N4BP2L2: variants seen among roughly 807,000 people sequenced by gnomAD.
The protein encoded by N4BP2L2 is NEDD4 binding protein 2 like 2.
In N4BP2L2, 50 loss-of-function variants were observed where a neutral mutation model predicts 56.2. The observed-to-expected ratio is 0.89, with a 90% CI of 0.71 to 1.13. The LOEUF is 1.13. Ranked by LOEUF, N4BP2L2 falls within the 50% of genes most tolerant of loss-of-function variation. The probability of loss-of-function intolerance (pLI) is 0.00; values close to 1 mark genes in which losing one functional copy is unlikely to be tolerated. For synonymous variants in N4BP2L2, 203 were observed against 223.6 expected (o/e 0.91, Z 0.82); for missense variants, 689 against 693.8 (o/e 0.99, Z 0.08).
chr13:32,487,664 T>A (rs1443765437), intron 6 of N4BP2L2, among the ~76,000 whole-genome samples: 1 of 151,856 alleles, frequency 6.6e-6, no homozygotes, highest in Non-Finnish European at 1.5e-5. Flanking sequence ...AGAACGCGAC[T>A]CCATCTCAAA....
At chr13:32,450,766 G>T (rs1006711665) in intron 6 of N4BP2L2, among the ~76,000 whole-genome samples, 1 of 152,012 alleles carries the variant, frequency 6.6e-6, no homozygotes, top group Non-Finnish European at 1.5e-5. Context: ...GAGTAGCTGG[G>T]ACTACAGCAG....
intron 6 of N4BP2L2, among the ~76,000 whole-genome samples, chr13:32,447,815 C>A (rs1475915911): frequency 6.6e-6 from 1 of 150,852 alleles, no homozygotes; most frequent in Non-Finnish European, 1.5e-5. Flanking sequence ...GTTTTTTTTT[C>A]TCCTAAGTCT....
exon 2 of N4BP2L2, chr13:32,535,798 C>G: frequency 6.2e-7 from 1 of 1,613,970 alleles, no homozygotes; most frequent in South Asian, 1.1e-5. Context: ...CAGAACCAGG[C>G]AGACCTCTTA....
intron 2 of N4BP2L2, among the ~76,000 whole-genome samples, chr13:32,530,944 T>C (rs2054597114): frequency 6.6e-6 from 1 of 151,614 alleles, no homozygotes; most frequent in South Asian, 2.1e-4. Context: ...GCATGCTTTC[T>C]CTTTCACTTT....
At chr13:32,494,579 C>A (rs953625001) in intron 6 of N4BP2L2, among the ~76,000 whole-genome samples, 5 of 151,894 alleles carry the variant, frequency 3.3e-5, no homozygotes, top group Admixed American at 1.3e-4. Flanking sequence ...CTGGCTAACA[C>A]GGTGAAACCC....
At chr13:32,518,060 T>G (rs767606317) in intron 5 of N4BP2L2, 57 bp from the exon 6 acceptor site, 1 of 1,490,484 alleles carries the variant, frequency 6.7e-7, no homozygotes, top group Non-Finnish European at 9.0e-7. Context: ...GGCTTAGAGA[T>G]TAACTGTTTT....
At position 32,527,430 on chromosome 13, in the gene N4BP2L2, G is replaced by C. The variant is rs1420974999; in HGVS notation, c.1362C>G (p.Ala454=). 1.9e-6 allele frequency: 3 copies of C among 1,613,870 alleles called. No individual in the cohort carries two copies. The Admixed American group carries it at 5.0e-5, about 27-fold the overall frequency. The change falls in exon 3 of 6, where the codon GCC becomes GCG. Residue 454 remains alanine, a synonymous_variant. Transcript: ENST00000267068. The stretch of plus-strand genomic sequence containing the variant: ...AACCTCTGTTCTGGTTCCAGTCATG[G>C]GCATCACCAAGTTGATTAACATTAT...
chr13:32,507,887 T>C (rs920831321), downstream of N4BP2L2: 9 of 152,244 alleles, frequency 5.9e-5, no homozygotes, highest in South Asian at 1.0e-3. Context: ...GACTACTATG[T>C]CCACATGAGA....
chr13:32,440,851 C>CA lies in N4BP2L2; in HGVS notation c.2104+1536_2104+1537insT, dbSNP rs2076208035. ...TTTTTTCATTTCCAAAAATAACAAT[C>CA]TTTTTTTTTTTTTTTTGACAGGGAG... On this transcript the variant is annotated intron_variant, in intron 7 of 9. Coordinates refer to the N4BP2L2 transcript ENST00000357505. Among the ~76,000 whole-genome samples, 9 of 134,640 alleles carry CA rather than the reference C, an allele frequency of 6.7e-5. No homozygotes were observed. The South Asian group carries it at 2.1e-3, about 32-fold the overall frequency. The allele number at this position is 134,640 out of a possible 152,430, so 88.3% of individuals were successfully genotyped here.
Position 32,443,077 on chromosome 13 carries a change from C to T in N4BP2L2, c.1415G>A (p.Arg472Lys), listed in dbSNP as rs1566021810. 8 of 1,606,614 alleles carry T rather than the reference C, an allele frequency of 5.0e-6. No homozygotes were observed. The East Asian group carries it at 6.7e-5, about 13-fold the overall frequency. Reference sequence around the variant, plus strand: ...CAAATTGAAAATCCTTTTCTTCCTCCTTTTCTTATTTTTTGTTGATTCTAA... The same window carrying T: ...CAAATTGAAAATCCTTTTCTTCCTCTTTTTCTTATTTTTTGTTGATTCTAA... The change falls in exon 7 of 10, where the codon AGG (arginine) becomes AAG (lysine). Residue 472 changes from arginine to lysine, a missense_variant. By Grantham distance (26) the Arg-to-Lys change is conservative. Transcript: ENST00000357505.
intron 6 of N4BP2L2, among the ~76,000 whole-genome samples, chr13:32,450,290 G>C (rs911622186): frequency 1.3e-5 from 2 of 151,266 alleles, no homozygotes; most frequent in African/African-American, 4.9e-5. Flanking sequence ...GAAATACTTA[G>C]AACTGAATAA....
chr13:32,506,018 TA>T (rs768202508), downstream of N4BP2L2: 2 of 152,218 alleles, frequency 1.3e-5, no homozygotes, highest in Non-Finnish European at 2.9e-5. Context: ...CCAAAATCCA[TA>T]TAAGTTTACT....
In N4BP2L2 at chr13:32,467,661, G is replaced by GA. The variant is rs1422867889; in HGVS notation, c.366-23536dup. On this transcript the variant is annotated intron_variant, in intron 6 of 9. Coordinates refer to the N4BP2L2 transcript ENST00000357505. ...TTATAACATTAATATAGGTAACAATGAAAAAAAAATTGTTTGAGGGCTATA... is the reference window on the plus strand; with the variant it reads ...TTATAACATTAATATAGGTAACAATGAAAAAAAAAATTGTTTGAGGGCTATA... 1.8e-3 allele frequency among the ~76,000 whole-genome samples: 273 copies of GA among 149,590 alleles called. 1 individual carries two copies. The highest frequency in any genetic ancestry group is 5.8e-3 in the African/African-American group (237 of 40,816).
intron 6 of N4BP2L2, among the ~76,000 whole-genome samples, chr13:32,493,238 CT>C (rs1333157657): frequency 6.6e-6 from 1 of 151,694 alleles, no homozygotes; most frequent in African/African-American, 2.4e-5. Flanking sequence ...TTCTTTTTTC[CT>C]TTTTTAAGAG....
At chr13:32,478,761 T>C (rs2083909557) in intron 6 of N4BP2L2, 1 of 152,062 alleles carries the variant, frequency 6.6e-6, no homozygotes, top group East Asian at 1.9e-4. Flanking sequence ...TGAGAATGAA[T>C]ATAATGGGTG....
chr13:32,481,067 C>A (rs1462419839), intron 6 of N4BP2L2, among the ~76,000 whole-genome samples: 1 of 124,612 alleles, frequency 8.0e-6, no homozygotes, highest in Admixed American at 1.0e-4. Context: ...TGCAGCGAGC[C>A]GAGATCACAC....
At chr13:32,495,297 C>A (rs2088282985) in intron 6 of N4BP2L2, among the ~76,000 whole-genome samples, 1 of 152,158 alleles carries the variant, frequency 6.6e-6, no homozygotes, top group Non-Finnish European at 1.5e-5. Context: ...TGTAGCCCAG[C>A]ATATTCTCAA....
intron 5 of N4BP2L2, 41 bp downstream of exon 5, chr13:32,521,332 G>A: frequency 7.2e-7 from 1 of 1,389,518 alleles, no homozygotes; most frequent in African/African-American, 1.4e-5. Flanking sequence ...ACAAAAGAAA[G>A]AAGAAAAGTT....
At position 32,445,077 on chromosome 13, in the gene N4BP2L2, T is replaced by C. The variant is rs535787204; in HGVS notation, c.366-951A>G. Among the ~76,000 whole-genome samples the C allele has an allele frequency of 2.0e-5, 3 of 152,192 alleles. No homozygotes were observed. The East Asian group carries it at 5.8e-4, about 29-fold the overall frequency. ...CAACCTGGCCAACGTGGCGAAACCC[T>C]GTCTCTACTAAAAATACAAAAAAAT... On this transcript the variant is annotated intron_variant, in intron 6 of 9. Transcript: ENST00000357505.
Sources: gnomAD v4.1 joint callset for allele counts (sites outside exome capture counted in the v4.1 genomes callset) on GRCh38, gnomAD v4.1.1 for gene constraint, MANE v1.5 for transcripts, NCBI Gene and HGNC (gene_info 2026-07-23, HGNC 2026-07-21) for gene names.